The following OPCML variants were observed in gnomAD, a reference collection of about 807,000 sequenced individuals.
OPCML encodes opioid-binding protein/cell adhesion molecule.
In OPCML, 13 loss-of-function variants were observed where a neutral mutation model predicts 37.8. The ratio of observed to expected loss-of-function variants is 0.34; its 90% CI spans 0.22 to 0.55. OPCML has a LOEUF of 0.55. OPCML is among the 20% of genes least tolerant of loss of function. OPCML has a pLI of 0.91. For missense variants in OPCML, 341 were observed against 435.6 expected, an observed-to-expected ratio of 0.78 and a Z score of 1.93; for synonymous variants, 176 against 168.8, an observed-to-expected ratio of 1.04 and a Z score of -0.33.
chr11:133,073,380 T>C (rs1948572629), intron 1 of OPCML, among the ~76,000 whole-genome samples: 1 of 152,198 alleles, frequency 6.6e-6, no homozygotes, highest in Non-Finnish European at 1.5e-5. Context: ...GTGCTGGGAA[T>C]GGTGGATTTC....
chr11:132,491,924 ATTTT>A (rs780995319), intron 4 of OPCML, among the ~76,000 whole-genome samples: 5 of 133,218 alleles, frequency 3.8e-5, no homozygotes, highest in African/African-American at 5.6e-5. Flanking sequence ...GACATACCTA[ATTTT>A]TTTTTTTTTT....
chr11:132,744,103 T>A (rs1178861739), intron 2 of OPCML, among the ~76,000 whole-genome samples: 1 of 152,216 alleles, frequency 6.6e-6, no homozygotes, highest in East Asian at 1.9e-4. Context: ...GTATTCACTA[T>A]GTTTTAAAAT....
At chr11:132,431,436 G>T (rs1255689205) in intron 7 of OPCML, among the ~76,000 whole-genome samples, 1 of 152,222 alleles carries the variant, frequency 6.6e-6, no homozygotes, top group African/African-American at 2.4e-5. Flanking sequence ...ACCTGCAGTT[G>T]CCTGGGGCTA....
chr11:133,076,200 C>T (rs373717226), intron 1 of OPCML, among the ~76,000 whole-genome samples: 7 of 152,030 alleles, frequency 4.6e-5, no homozygotes, highest in East Asian at 1.9e-4. Flanking sequence ...TTTGTAGACA[C>T]GCTTTCAAGG....
rs74604551 is a variant in OPCML, at chr11:132,743,850, C to G, written c.147-86531G>C. On this transcript the variant is annotated intron_variant, in intron 2 of 7. Transcript: ENST00000524381. Reference sequence around the variant, plus strand: ...TAGCATCTACGTGACACACAGGGGCCAAAAATGTCTCTATTCATTTCTGTC... The same window carrying G: ...TAGCATCTACGTGACACACAGGGGCGAAAAATGTCTCTATTCATTTCTGTC... 9.7e-3 allele frequency among the ~76,000 whole-genome samples: 1,475 copies of G among 152,286 alleles called. 23 individuals are homozygous for G. Among genetic ancestry groups the G allele is most frequent in the Non-Finnish European group, 9.3e-3 (635 of 68,018 alleles).
chr11:133,380,776 C>T (rs952390447), intron 1 of OPCML, among the ~76,000 whole-genome samples: 6 of 152,094 alleles, frequency 3.9e-5, no homozygotes, highest in Non-Finnish European at 8.8e-5. Flanking sequence ...TTAGTGTCTC[C>T]CCTGGTTCTT....
At chr11:132,520,500 G>A (rs1303159705) in intron 4 of OPCML, among the ~76,000 whole-genome samples, 1 of 152,032 alleles carries the variant, frequency 6.6e-6, no homozygotes, top group Non-Finnish European at 1.5e-5. Flanking sequence ...AGCATATATA[G>A]GAATAGGTTG....
chr11:133,079,380 T>C lies in OPCML; in HGVS notation c.62-136370A>G, dbSNP rs1396445006. On this transcript the variant is annotated intron_variant, in intron 1 of 7. Coordinates refer to ENST00000524381, the MANE Select transcript of OPCML (RefSeq NM_001012393.5). ...AATGTCACAGGGGGACCCACATTTTTGATGGGCAGCTGGAGTAGATGGTGC... is the reference window on the plus strand; with the variant it reads ...AATGTCACAGGGGGACCCACATTTTCGATGGGCAGCTGGAGTAGATGGTGC... Among the ~76,000 whole-genome samples the C allele has an allele frequency of 2.0e-5, 3 of 152,174 alleles. No individual in the cohort carries two copies. The East Asian group carries it at 5.8e-4, about 29-fold the overall frequency.
intron 1 of OPCML, among the ~76,000 whole-genome samples, chr11:132,944,842 T>G (rs1477948923): frequency 6.6e-6 from 1 of 152,250 alleles, no homozygotes; most frequent in Admixed American, 6.5e-5. Context: ...ATTTAATGGT[T>G]GCTATGTGCA....
At chr11:133,162,434 T>C (rs1950156064) in intron 1 of OPCML, among the ~76,000 whole-genome samples, 1 of 152,212 alleles carries the variant, frequency 6.6e-6, no homozygotes, top group African/African-American at 2.4e-5. Flanking sequence ...CTAGCTCATG[T>C]TTGCTTAAAA....
rs73587639 is a variant in OPCML, at chr11:133,502,877, A to G, written c.61+29387T>C. ...GAAGAAGGCCTTCTGGATGGGACTG[A>G]GGAGGGCCAGCCATCCTGGTTTTCC... On this transcript the variant is annotated intron_variant, in intron 1 of 7. Transcript: ENST00000524381. Among the ~76,000 whole-genome samples the G allele has an allele frequency of 9.0e-3, 1,370 of 152,302 alleles. 10 individuals carry two copies. Among genetic ancestry groups the G allele is most frequent in the African/African-American group, 0.03 (1,262 of 41,564 alleles).
rs117244056 is a variant in OPCML, at chr11:132,971,837, G to A, written c.62-28827C>T. Among the ~76,000 whole-genome samples, 4 of 152,134 alleles carry A rather than the reference G, an allele frequency of 2.6e-5. No homozygotes were observed. In the East Asian group the frequency reaches 7.7e-4, roughly 29 times the overall value. ...ATTATCTACTCCCAAATCTAGATAT[G>A]TGGGCCCTAAAACCACTAGACCCTA... is the stretch of plus-strand genomic sequence containing the variant. On this transcript the variant is annotated intron_variant, in intron 1 of 7. Transcript: ENST00000524381.
chr11:133,005,275 A>G (rs1947087552), intron 1 of OPCML: 3 of 985,424 alleles, frequency 3.0e-6, no homozygotes, highest in Non-Finnish European at 3.6e-6. Flanking sequence ...GAATGAATCA[A>G]TAGCCAGAAT....
At chr11:133,393,211 C>T (rs1289891436) in intron 1 of OPCML, among the ~76,000 whole-genome samples, 7 of 152,114 alleles carry the variant, frequency 4.6e-5, no homozygotes, top group East Asian at 3.9e-4. Context: ...AGTGCCACTG[C>T]GTGTGAGTTC....
At chr11:132,958,921 T>G (rs1410007976) in intron 1 of OPCML, among the ~76,000 whole-genome samples, 1 of 152,254 alleles carries the variant, frequency 6.6e-6, no homozygotes, top group African/African-American at 2.4e-5. Context: ...TCATGCCTGC[T>G]AACACAACCT....
At chr11:132,638,099 A>G (rs993044337) in intron 3 of OPCML, among the ~76,000 whole-genome samples, 2 of 151,268 alleles carry the variant, frequency 1.3e-5, no homozygotes, top group Non-Finnish European at 2.9e-5. Context: ...TACGTGGAGA[A>G]GCATAGTATT....
intron 2 of OPCML, among the ~76,000 whole-genome samples, chr11:132,794,443 A>G (rs1285134632): frequency 6.6e-6 from 1 of 152,144 alleles, no homozygotes; most frequent in Non-Finnish European, 1.5e-5. Context: ...TAATACCTGG[A>G]TAAATATTTT....
intron 1 of OPCML, among the ~76,000 whole-genome samples, chr11:133,331,124 C>T (rs1943610102): frequency 6.6e-6 from 1 of 152,174 alleles, no homozygotes; most frequent in Non-Finnish European, 1.5e-5. Context: ...CTTTGTGTTG[C>T]TCTATTATTA....
chr11:132,809,314 C>T (rs1480798282), intron 2 of OPCML, among the ~76,000 whole-genome samples: 1 of 152,120 alleles, frequency 6.6e-6, no homozygotes, highest in African/African-American at 2.4e-5. Context: ...GAGCAGTGAG[C>T]ACAAGTGTGA....
Sources: allele counts gnomAD v4.1 joint callset (sites outside exome capture counted in the v4.1 genomes callset), GRCh38; gene constraint gnomAD v4.1.1; transcripts MANE v1.5; gene names NCBI Gene and HGNC (gene_info 2026-07-23, HGNC 2026-07-21).